TMPRSS11D: variants seen among roughly 807,000 people sequenced by gnomAD.
The protein encoded by TMPRSS11D is transmembrane protease serine 11D.
Under a neutral mutation model 44.4 loss-of-function variants are expected in TMPRSS11D, and 32 were observed. That is an observed-to-expected ratio of 0.72 (90% CI 0.54 to 0.97). The LOEUF (loss-of-function observed/expected upper bound fraction) is 0.97, where lower values mean the gene tolerates loss of function less well. Ranked by LOEUF, TMPRSS11D falls within the 50% of genes least tolerant of loss-of-function variation. The probability of loss-of-function intolerance (pLI) is 0.00; values close to 1 mark genes in which losing one functional copy is unlikely to be tolerated. For synonymous variants in TMPRSS11D, 179 were observed against 177.9 expected (o/e 1.01, Z -0.05); for missense variants, 446 against 502.6 (o/e 0.89, Z 1.08).
chr4:67,854,735 T>C (rs1429850000), intron 2 of TMPRSS11D, among the ~76,000 whole-genome samples: 1 of 152,194 alleles, frequency 6.6e-6, no homozygotes. Flanking sequence ...ATAAAAAACT[T>C]GACAGACCAA....
At chr4:67,837,933 G>T (rs1211069866) in intron 5 of TMPRSS11D, 1 of 332,906 alleles carries the variant, frequency 3.0e-6, no homozygotes, top group African/African-American at 2.1e-5. Context: ...GAATGTTGCA[G>T]GGATAATTAA....
intron 1 of TMPRSS11D, among the ~76,000 whole-genome samples, chr4:67,860,858 G>T (rs1448849340): frequency 6.6e-6 from 1 of 152,046 alleles, no homozygotes; most frequent in Non-Finnish European, 1.5e-5. Flanking sequence ...CTGCAATGTT[G>T]CCTGGTATTG....
chr4:67,849,803 G>A (rs1171854466), intron 3 of TMPRSS11D, among the ~76,000 whole-genome samples: 2 of 152,102 alleles, frequency 1.3e-5, no homozygotes, highest in Admixed American at 6.5e-5. Context: ...ATATTATCAT[G>A]AGAAATGGTA....
intron 1 of TMPRSS11D, among the ~76,000 whole-genome samples, chr4:67,882,809 C>G (rs1381881488): frequency 1.3e-5 from 2 of 151,892 alleles, no homozygotes; most frequent in East Asian, 1.9e-4. Flanking sequence ...TAGACTTTCT[C>G]CCATGTATAG....
intron 3 of TMPRSS11D, among the ~76,000 whole-genome samples, chr4:67,848,811 GA>G (rs1292770559): frequency 6.6e-6 from 1 of 152,206 alleles, no homozygotes; most frequent in Non-Finnish European, 1.5e-5. Context: ...AGGGTGACAG[GA>G]AATTCCCAAT....
intron 1 of TMPRSS11D, 103 bp downstream of exon 1, chr4:67,883,823 G>T (rs1577837965): frequency 3.6e-6 from 3 of 840,912 alleles, no homozygotes; most frequent in Non-Finnish European, 5.4e-6. Context: ...GTAACTAGAA[G>T]ATTGCTAGAC....
chr4:67,850,740 C>T (rs1462658771), intron 3 of TMPRSS11D, among the ~76,000 whole-genome samples: 1 of 152,132 alleles, frequency 6.6e-6, no homozygotes, highest in Admixed American at 6.6e-5. Context: ...TGTGGGTGTG[C>T]ACTTGCGTGT....
intron 7 of TMPRSS11D, among the ~76,000 whole-genome samples, chr4:67,831,412 A>G (rs2109662372): frequency 6.6e-6 from 1 of 152,214 alleles, no homozygotes; most frequent in East Asian, 1.9e-4. Context: ...TGGATCAATC[A>G]TGGTAATGAA....
chr4:67,879,582 G>A (rs1305171245), intron 1 of TMPRSS11D, among the ~76,000 whole-genome samples: 2 of 151,740 alleles, frequency 1.3e-5, no homozygotes, highest in Admixed American at 6.6e-5. Context: ...AAAAAACCAG[G>A]AAAGAATGGT....
In TMPRSS11D at chr4:67,855,107, T is replaced by G. The variant is rs528206919; in HGVS notation, c.131-921A>C. On this transcript the variant is annotated intron_variant, in intron 2 of 9. Transcript: ENST00000283916. ...CTGTCTCTACTAAATATACAAAAAT[T>G]AGCCAGGTGTGGTGGCAGGCGCCTG... Among the ~76,000 whole-genome samples the G allele has an allele frequency of 2.6e-5, 4 of 152,038 alleles. No individual in the cohort carries two copies. In the East Asian group the frequency reaches 7.7e-4, roughly 29 times the overall value.
At chr4:67,882,254 C>T (rs771424862) in intron 1 of TMPRSS11D, among the ~76,000 whole-genome samples, 11 of 152,002 alleles carry the variant, frequency 7.2e-5, no homozygotes, top group Non-Finnish European at 1.0e-4. Flanking sequence ...TAAAATTATG[C>T]CAAAATTACC....
intron 3 of TMPRSS11D, among the ~76,000 whole-genome samples, chr4:67,844,540 G>C (rs1718313349): frequency 6.6e-6 from 1 of 152,074 alleles, no homozygotes; most frequent in Non-Finnish European, 1.5e-5. Context: ...TTGGGAGGCT[G>C]AGGCAAGTGG....
At chr4:67,842,961 C>T (rs1234558869) in intron 3 of TMPRSS11D, among the ~76,000 whole-genome samples, 1 of 152,070 alleles carries the variant, frequency 6.6e-6, no homozygotes, top group African/African-American at 2.4e-5. Flanking sequence ...AGGAATCATG[C>T]CAGCATGAGG....
At position 67,825,874 on chromosome 4, in the gene TMPRSS11D, C is replaced by G. The variant is rs1717780293; in HGVS notation, c.953G>C (p.Gly318Ala). The change falls in exon 9 of 10, where the codon GGC becomes GCC. Residue 318 changes from glycine to alanine, a missense_variant and splice_region_variant. Transcript: ENST00000283916. ...TTGCCTTAGCTCTGGAACTGTGTGG[C>G]CTGTTTGTTATAAAAGCAGGAAAAA... ...VTGWGAQEYA[G>A]HTVPELRQGQ... 1 of 1,605,164 alleles carries G rather than the reference C, an allele frequency of 6.2e-7. No individual in the cohort carries two copies. Among genetic ancestry groups the G allele is most frequent in the Non-Finnish European group, 8.5e-7 (1 of 1,174,682 alleles).
chr4:67,864,841 C>T (rs1293719792), intron 1 of TMPRSS11D, among the ~76,000 whole-genome samples: 2 of 151,760 alleles, frequency 1.3e-5, no homozygotes, highest in Admixed American at 1.3e-4. Context: ...TAAATGTATA[C>T]ATATCCAACA....
intron 6 of TMPRSS11D, among the ~76,000 whole-genome samples, chr4:67,834,582 C>T (rs1456033138): frequency 6.6e-6 from 1 of 152,080 alleles, no homozygotes; most frequent in East Asian, 1.9e-4. Context: ...CCTGAGAGTA[C>T]ATAGGATGAT....
chr4:67,877,653 G>A (rs530736187), intron 1 of TMPRSS11D, among the ~76,000 whole-genome samples: 2 of 152,118 alleles, frequency 1.3e-5, no homozygotes, highest in Admixed American at 6.5e-5. Context: ...TTCTTTCTCA[G>A]TAAATGATGC....
intron 1 of TMPRSS11D, among the ~76,000 whole-genome samples, chr4:67,880,788 C>A (rs1719303574): frequency 6.6e-6 from 1 of 152,004 alleles, no homozygotes; most frequent in African/African-American, 2.4e-5. Context: ...ACCACCATGC[C>A]CATCAATGAC....
chr4:67,832,395 T>G (rs1000843266), intron 7 of TMPRSS11D, among the ~76,000 whole-genome samples: 2 of 152,160 alleles, frequency 1.3e-5, no homozygotes, highest in Non-Finnish European at 2.9e-5. Flanking sequence ...ATTTTAGTTA[T>G]GCTGAAATCT....
Sources: allele counts gnomAD v4.1 joint callset (sites outside exome capture counted in the v4.1 genomes callset), GRCh38; gene constraint gnomAD v4.1.1; transcripts MANE v1.5; gene names NCBI Gene and HGNC (gene_info 2026-07-23, HGNC 2026-07-21).